The following DLC1 variants were observed in gnomAD, a reference collection of about 807,000 sequenced individuals.
The protein encoded by DLC1 is rho GTPase-activating protein 7.
DLC1 carries 54 observed loss-of-function variants against 140.3 expected under a neutral mutation model. The ratio of observed to expected loss-of-function variants is 0.38; its 90% CI spans 0.31 to 0.48. The LOEUF (loss-of-function observed/expected upper bound fraction) is 0.48. Ranked by LOEUF, DLC1 falls within the 20% of genes least tolerant of loss-of-function variation. The pLI is 0.96. For missense variants in DLC1, 2,536 were observed against 1,907.0 expected, an observed-to-expected ratio of 1.33 and a Z score of -6.14; for synonymous variants, 986 against 728.1, an observed-to-expected ratio of 1.35 and a Z score of -5.70.
intron 5 of DLC1, among the ~76,000 whole-genome samples, chr8:13,218,407 C>T (rs1316412185): frequency 1.3e-5 from 2 of 152,076 alleles, no homozygotes; most frequent in African/African-American, 2.4e-5. Flanking sequence ...AAATTAAAGG[C>T]TTTTGTGCGT....
chr8:13,105,062 GC>G (rs1819447383), intron 7 of DLC1, among the ~76,000 whole-genome samples: 1 of 152,108 alleles, frequency 6.6e-6, no homozygotes, highest in East Asian at 1.9e-4. Flanking sequence ...CTTCATTTGG[GC>G]TTTAATGGTT....
intron 1 of DLC1, among the ~76,000 whole-genome samples, chr8:13,507,255 C>G (rs546786733): frequency 1.3e-5 from 2 of 152,102 alleles, no homozygotes; most frequent in Non-Finnish European, 2.9e-5. Flanking sequence ...ATGCTCTTTA[C>G]GACCAAACTG....
chr8:13,253,308 A>C (rs953014314), intron 5 of DLC1, among the ~76,000 whole-genome samples: 3 of 152,232 alleles, frequency 2.0e-5, no homozygotes, highest in Non-Finnish European at 4.4e-5. Context: ...TCTTGCACAG[A>C]TGTCAGAGAG....
At chr8:13,592,063 C>A (rs1343465553) in intron 1 of DLC1, among the ~76,000 whole-genome samples, 1 of 151,992 alleles carries the variant, frequency 6.6e-6, no homozygotes, top group African/African-American at 2.4e-5. Flanking sequence ...TAGGGAAAAC[C>A]TGTGGATAGA....
At position 13,391,953 on chromosome 8, in the gene DLC1, A is replaced by G. The variant is rs1398500468; in HGVS notation, c.1314+1600T>C. ...TGATTTTCAAAACCTTCAAGTCAAA[A>G]CTGTTGAGAAGGTTTTTTAAGAAAA... On this transcript the variant is annotated intron_variant, in intron 4 of 17. Coordinates refer to ENST00000276297, the MANE Select transcript of DLC1 (RefSeq NM_182643.3). 3.3e-5 allele frequency among the ~76,000 whole-genome samples: 5 copies of G among 151,950 alleles called. No individual in the cohort carries two copies. The East Asian group carries it at 9.6e-4, about 29-fold the overall frequency.
intron 5 of DLC1, among the ~76,000 whole-genome samples, chr8:13,123,914 T>C (rs1049259500): frequency 2.0e-5 from 3 of 152,156 alleles, no homozygotes; most frequent in Admixed American, 2.0e-4. Flanking sequence ...ACATTCTACA[T>C]TGTAACATGG....
At chr8:13,123,305 T>G (rs1821261913) in intron 5 of DLC1, among the ~76,000 whole-genome samples, 1 of 151,916 alleles carries the variant, frequency 6.6e-6, no homozygotes. Flanking sequence ...CCTCCTCTCA[T>G]GCCCTGTCCC....
chr8:13,390,769 T>C (rs111918373), intron 4 of DLC1, among the ~76,000 whole-genome samples: 23,434 of 151,962 alleles, frequency 0.15, 1,925 homozygotes, highest in South Asian at 0.19. Context: ...GGGTGGATCA[T>C]GAGGTTAGGA....
intron 5 of DLC1, among the ~76,000 whole-genome samples, chr8:13,304,207 C>T (rs1832323336): frequency 6.6e-6 from 1 of 152,058 alleles, no homozygotes; most frequent in Non-Finnish European, 1.5e-5. Context: ...GCCAAAACCA[C>T]AATTACTTTT....
intron 5 of DLC1, among the ~76,000 whole-genome samples, chr8:13,236,181 A>G (rs780736444): frequency 1.3e-5 from 2 of 152,098 alleles, no homozygotes; most frequent in Non-Finnish European, 2.9e-5. Flanking sequence ...AAAATTTTGT[A>G]AGATCAAGGA....
At chr8:13,427,698 T>C (rs1032617081) in intron 2 of DLC1, among the ~76,000 whole-genome samples, 1 of 152,120 alleles carries the variant, frequency 6.6e-6, no homozygotes, top group South Asian at 2.1e-4. Flanking sequence ...CTTGGGCCCC[T>C]TGTTCTCATG....
intron 5 of DLC1, among the ~76,000 whole-genome samples, chr8:13,128,830 G>T (rs1407315329): frequency 7.5e-6 from 1 of 133,778 alleles, no homozygotes; most frequent in Non-Finnish European, 1.6e-5. Context: ...GAGAGACTCC[G>T]TCTCAAAAAA....
intron 1 of DLC1, chr8:13,566,961 G>A: frequency 6.6e-7 from 1 of 1,514,682 alleles, no homozygotes; most frequent in Non-Finnish European, 8.9e-7. Context: ...CCTGGGCAAA[G>A]GAGATGAGGA....
At chr8:13,310,581 T>C (rs750969307) in intron 4 of DLC1, among the ~76,000 whole-genome samples, 3 of 152,212 alleles carry the variant, frequency 2.0e-5, no homozygotes, top group Admixed American at 6.5e-5. Flanking sequence ...TGGGAAGACA[T>C]GAAAGACAGC....
At chr8:13,221,477 TCTC>T (rs1392755855) in intron 5 of DLC1, among the ~76,000 whole-genome samples, 4 of 151,330 alleles carry the variant, frequency 2.6e-5, no homozygotes, top group Non-Finnish European at 4.4e-5. Flanking sequence ...TTCAAGCTAT[TCTC>T]CTGTCTCAGC....
chr8:13,148,103 T>C (rs533178936), intron 5 of DLC1, among the ~76,000 whole-genome samples: 84 of 151,120 alleles, frequency 5.6e-4, no homozygotes, highest in Middle Eastern at 6.8e-3. Flanking sequence ...GTTGCATGTG[T>C]GTGATAAGAT....
intron 1 of DLC1, among the ~76,000 whole-genome samples, chr8:13,578,613 C>A (rs1804930936): frequency 6.6e-6 from 1 of 152,160 alleles, no homozygotes; most frequent in Admixed American, 6.5e-5. Flanking sequence ...GTTCCCAGGA[C>A]CCTCTCCTCA....
chr8:13,133,340 A>AG (rs1822288662), intron 5 of DLC1: 1 of 1,107,432 alleles, frequency 9.0e-7, no homozygotes, highest in Admixed American at 6.7e-5. Context: ...CCACCCCCCG[A>AG]GGGGCGGGGC....
At chr8:13,373,078 C>T (rs373626814) in intron 4 of DLC1, among the ~76,000 whole-genome samples, 54 of 152,146 alleles carry the variant, frequency 3.5e-4, no homozygotes, top group South Asian at 2.3e-3. Flanking sequence ...TGCCGTGGTG[C>T]GATCACAGCT....
Sources: gnomAD v4.1 joint callset for allele counts (sites outside exome capture counted in the v4.1 genomes callset) on GRCh38, gnomAD v4.1.1 for gene constraint, MANE v1.5 for transcripts, NCBI Gene and HGNC (gene_info 2026-07-23, HGNC 2026-07-21) for gene names.